Variants in HCN1 observed in about 807,000 individuals in gnomAD.
The protein encoded by HCN1 is hyperpolarization activated cyclic nucleotide gated potassium channel 1.
In HCN1, 13 loss-of-function variants were observed where a neutral mutation model predicts 78.9. The ratio of observed to expected loss-of-function variants is 0.16; its 90% CI spans 0.11 to 0.26. The LOEUF (loss-of-function observed/expected upper bound fraction) is 0.26, where lower values mean the gene tolerates loss of function less well. HCN1 is among the 10% of genes least tolerant of loss of function. The pLI is 1.00. For synonymous variants in HCN1, 552 were observed against 455.5 expected (o/e 1.21, Z -2.70); for missense variants, 810 against 1,154.3 (o/e 0.70, Z 4.32).
At chr5:45,591,938 G>A (rs1328730497) in intron 2 of HCN1, among the ~76,000 whole-genome samples, 2 of 151,228 alleles carry the variant, frequency 1.3e-5, no homozygotes, top group Non-Finnish European at 1.5e-5. Context: ...ATTTAGCTCC[G>A]TGATCCACTT....
At chr5:45,616,479 T>C (rs1470288848) in intron 2 of HCN1, among the ~76,000 whole-genome samples, 1 of 152,030 alleles carries the variant, frequency 6.6e-6, no homozygotes, top group Non-Finnish European at 1.5e-5. Context: ...TATAATTAAA[T>C]AGTTTATTCT....
At chr5:45,391,761 T>A (rs1164024435) in intron 4 of HCN1, among the ~76,000 whole-genome samples, 1 of 152,114 alleles carries the variant, frequency 6.6e-6, no homozygotes, top group African/African-American at 2.4e-5. Flanking sequence ...GAAAGCAGAT[T>A]GAATATTTCA....
intron 4 of HCN1, among the ~76,000 whole-genome samples, chr5:45,357,816 T>C (rs986310760): frequency 6.6e-6 from 1 of 152,032 alleles, no homozygotes; most frequent in East Asian, 1.9e-4. Context: ...GTGGGACCTA[T>C]TGGAAAGTGT....
chr5:45,621,451 C>T (rs1745060494), intron 2 of HCN1, among the ~76,000 whole-genome samples: 1 of 151,992 alleles, frequency 6.6e-6, no homozygotes, highest in South Asian at 2.1e-4. Flanking sequence ...CTTATTTCAC[C>T]TCATGTTATC....
intron 2 of HCN1, among the ~76,000 whole-genome samples, chr5:45,640,273 AC>A (rs1295287135): frequency 3.9e-5 from 6 of 152,110 alleles, no homozygotes; most frequent in African/African-American, 1.4e-4. Flanking sequence ...TTATTATTTA[AC>A]GGATTTAGAA....
chr5:45,296,303 T>A (rs1300876267), intron 6 of HCN1, among the ~76,000 whole-genome samples: 2 of 151,780 alleles, frequency 1.3e-5, no homozygotes, highest in African/African-American at 2.4e-5. Flanking sequence ...CAGATCACAA[T>A]GAACTAAACT....
rs186227740 is a variant in HCN1, at chr5:45,476,971, A to G, written c.850-14964T>C. 5.1e-3 allele frequency among the ~76,000 whole-genome samples: 770 copies of G among 152,282 alleles called. 8 individuals are homozygous for G. Among genetic ancestry groups the G allele is most frequent in the Middle Eastern group, 0.02 (6 of 294 alleles). ...ATTTAAATAAATCTGCAATAAAATA[A>G]ATCTAGCAAATTGTGCTCCATATTA... is the stretch of plus-strand genomic sequence containing the variant. On this transcript the variant is annotated intron_variant, in intron 2 of 7. Coordinates refer to ENST00000303230, the MANE Select transcript of HCN1 (RefSeq NM_021072.4).
At chr5:45,581,029 T>C (rs1354106248) in intron 2 of HCN1, among the ~76,000 whole-genome samples, 1 of 152,242 alleles carries the variant, frequency 6.6e-6, no homozygotes, top group Non-Finnish European at 1.5e-5. Flanking sequence ...GCAGCATGTT[T>C]TATAACCCTT....
At chr5:45,325,064 G>T (rs1478880768) in intron 5 of HCN1, among the ~76,000 whole-genome samples, 2 of 151,520 alleles carry the variant, frequency 1.3e-5, no homozygotes, top group African/African-American at 4.8e-5. Context: ...TCTGGAGCAG[G>T]AACAGAATGT....
At chr5:45,510,299 T>C (rs773210195) in intron 2 of HCN1, among the ~76,000 whole-genome samples, 1 of 151,982 alleles carries the variant, frequency 6.6e-6, no homozygotes, top group Non-Finnish European at 1.5e-5. Context: ...TAATAAGAAG[T>C]GAAGAACATT....
chr5:45,656,328 T>A (rs1340377827), intron 1 of HCN1, among the ~76,000 whole-genome samples: 3 of 152,134 alleles, frequency 2.0e-5, no homozygotes, highest in African/African-American at 7.2e-5. Context: ...TACAGCCTAA[T>A]CCTCAAGAAA....
At chr5:45,277,158 T>C (rs946127328) in intron 6 of HCN1, among the ~76,000 whole-genome samples, 39 of 152,146 alleles carry the variant, frequency 2.6e-4, no homozygotes, top group African/African-American at 9.2e-4. Context: ...TCTAGCTCTC[T>C]ACATATCTTG....
intron 2 of HCN1, among the ~76,000 whole-genome samples, chr5:45,496,069 G>T (rs569171263): frequency 6.6e-6 from 1 of 152,008 alleles, no homozygotes; most frequent in African/African-American, 2.4e-5. Flanking sequence ...TCTCTTTTTT[G>T]GTTGTGTCTC....
intron 5 of HCN1, among the ~76,000 whole-genome samples, chr5:45,328,538 C>A (rs866600848): frequency 6.6e-6 from 1 of 151,612 alleles, no homozygotes; most frequent in African/African-American, 2.4e-5. Context: ...GGCTTGAAAA[C>A]AAGCATAATG....
chr5:45,411,337 C>T (rs1162482186), intron 3 of HCN1, among the ~76,000 whole-genome samples: 5 of 151,832 alleles, frequency 3.3e-5, no homozygotes, highest in African/African-American at 1.2e-4. Context: ...GTTTTATTTT[C>T]CCTCTCTTTC....
chr5:45,667,307 T>G, intron 1 of HCN1, among the ~76,000 whole-genome samples: 1 of 151,988 alleles, frequency 6.6e-6, no homozygotes, highest in African/African-American at 2.4e-5. Context: ...TCCTGGTGGG[T>G]AGAAGCTCCC....
chr5:45,549,171 A>C (rs1743300993), intron 2 of HCN1, among the ~76,000 whole-genome samples: 1 of 152,158 alleles, frequency 6.6e-6, no homozygotes, highest in African/African-American at 2.4e-5. Flanking sequence ...GGAACCAAAA[A>C]AGAGTCTGCA....
intron 2 of HCN1, among the ~76,000 whole-genome samples, chr5:45,615,166 A>T (rs2111985333): frequency 6.6e-6 from 1 of 152,140 alleles, no homozygotes; most frequent in Admixed American, 6.6e-5. Flanking sequence ...GTAGTCAAGT[A>T]TTTATTCACA....
At chr5:45,645,871 C>T (rs893167877) in intron 1 of HCN1, among the ~76,000 whole-genome samples, 1 of 152,000 alleles carries the variant, frequency 6.6e-6, no homozygotes, top group Non-Finnish European at 1.5e-5. Flanking sequence ...CAAAAACATT[C>T]ATACCCCCAT....
Sources: allele counts gnomAD v4.1 joint callset (sites outside exome capture counted in the v4.1 genomes callset), GRCh38; gene constraint gnomAD v4.1.1; transcripts MANE v1.5; gene names NCBI Gene and HGNC (gene_info 2026-07-23, HGNC 2026-07-21).